The following ABL1 variants were observed in gnomAD, a reference collection of about 807,000 sequenced individuals.
The protein encoded by ABL1 is tyrosine-protein kinase ABL1.
In ABL1, 11 loss-of-function variants were observed where a neutral mutation model predicts 94.7. The observed-to-expected ratio is 0.12, with a 90% confidence interval of 0.07 to 0.19. ABL1 has a LOEUF of 0.19. ABL1 is among the 10% of genes least tolerant of loss of function. The pLI is 1.00. For synonymous variants in ABL1, 656 were observed against 622.4 expected (o/e 1.05, Z -0.80); for missense variants, 1,082 against 1,489.4 (o/e 0.73, Z 4.50).
intron 1 of ABL1, among the ~76,000 whole-genome samples, chr9:130,836,468 A>G (rs1304046648): frequency 1.3e-5 from 2 of 152,212 alleles, no homozygotes; most frequent in South Asian, 4.1e-4. Context: ...CAGAAAGGCT[A>G]TCTGTGCTTC....
At chr9:130,847,734 A>G (rs1479788601) in intron 1 of ABL1, among the ~76,000 whole-genome samples, 1 of 152,202 alleles carries the variant, frequency 6.6e-6, no homozygotes, top group Non-Finnish European at 1.5e-5. Flanking sequence ...ACTGGAGAGG[A>G]AAGTCGAGAG....
chr9:130,738,478 A>G (rs1831773608), intron 1 of ABL1, among the ~76,000 whole-genome samples: 2 of 152,218 alleles, frequency 1.3e-5, no homozygotes, highest in Non-Finnish European at 2.9e-5. Context: ...GTTTGTGTGC[A>G]TGAAGAAGAA....
rs567943403 is a variant in ABL1 at position 130,862,703 on chromosome 9, C to T, written c.550-60C>T. The T allele has an allele frequency of 2.4e-5, 38 of 1,572,768 alleles. No individual in the cohort carries two copies. Among genetic ancestry groups the T allele is most frequent in the Admixed American group, 1.6e-4 (9 of 56,222 alleles). ...ATTAAGGCTCAGCCAAACTGGCTCA[C>T]GTGAGCTCTTTGAGCTTGCCTGTCT... is the stretch of plus-strand genomic sequence containing the variant. On this transcript the variant is annotated intron_variant, in intron 3 of 10. Transcript: ENST00000318560. The surrounding 1 kb of genome is among the most constrained non-coding windows in gnomAD (Gnocchi z 5.5).
chr9:130,816,741 G>A (rs1830291319), intron 1 of ABL1, among the ~76,000 whole-genome samples: 1 of 152,082 alleles, frequency 6.6e-6, no homozygotes, highest in African/African-American at 2.4e-5. Context: ...TTGCTCTATC[G>A]CCCAGGCTGG....
chr9:130,821,596 A>G (rs1830363678), intron 1 of ABL1, among the ~76,000 whole-genome samples: 1 of 151,406 alleles, frequency 6.6e-6, no homozygotes, highest in African/African-American at 2.4e-5. Flanking sequence ...ATATCCATGT[A>G]TAAGTCTTTG....
intron 10 of ABL1, among the ~76,000 whole-genome samples, chr9:130,882,342 C>T (rs1213348758): frequency 6.6e-6 from 1 of 152,158 alleles, no homozygotes; most frequent in African/African-American, 2.4e-5. Flanking sequence ...TCCTGGCCTC[C>T]TTCCACTAGA....
At chr9:130,840,245 A>G (rs1291965808) in intron 1 of ABL1, among the ~76,000 whole-genome samples, 1 of 152,230 alleles carries the variant, frequency 6.6e-6, no homozygotes, top group Non-Finnish European at 1.5e-5. Context: ...GATGCGTATA[A>G]TTAATACTTC....
Position 130,872,368 on chromosome 9 carries a change from A to G in ABL1, c.907+155A>G, listed in dbSNP as rs1448980286. 1.3e-5 allele frequency among the ~76,000 whole-genome samples: 2 copies of G among 152,238 alleles called. No homozygotes were observed. The highest frequency in any genetic ancestry group is 2.9e-5 in the Non-Finnish European group (2 of 68,030). ...CAGCCGCGGGTAAAATGAGGCCTGT[A>G]TGGGATGGGTGTGTGCGTGTGTGCA... On this transcript the variant is annotated intron_variant, in intron 5 of 10. Coordinates refer to ENST00000318560, the MANE Select transcript of ABL1 (RefSeq NM_005157.6). This position sits in a 1 kb window ranked among gnomAD's most constrained non-coding sequence, Gnocchi z 5.0.
intron 1 of ABL1, among the ~76,000 whole-genome samples, chr9:130,800,806 A>T (rs1232087292): frequency 6.6e-6 from 1 of 152,182 alleles, no homozygotes; most frequent in Non-Finnish European, 1.5e-5. Context: ...ATAACATTAG[A>T]TTGCTTCCAA....
chr9:130,885,074 G>C lies in ABL1; in HGVS notation c.2784G>C (p.Leu928=). 6.2e-7 allele frequency: 1 copy of C among 1,610,050 alleles called. No individual in the cohort carries two copies. Residue 928 remains leucine, a synonymous_variant, in exon 11 of 11, where the codon CTG becomes CTC. Transcript: ENST00000318560. ...PSQEAAGEAV[L]GAKTKATSLV... is the part of the protein sequence containing the mutation. ...AGGAGGCGGCCGGGGAGGCAGTCCTGGGCGCAAAGACAAAAGCCACGAGTC... is the reference window on the plus strand; with the variant it reads ...AGGAGGCGGCCGGGGAGGCAGTCCTCGGCGCAAAGACAAAAGCCACGAGTC...
rs924873181 is a variant in ABL1 at position 130,862,183 on chromosome 9, A to G, written c.550-580A>G. 9.9e-5 allele frequency among the ~76,000 whole-genome samples: 15 copies of G among 152,248 alleles called. No homozygotes were observed. Among genetic ancestry groups the G allele is most frequent in the Non-Finnish European group, 1.6e-4 (11 of 68,046 alleles). On this transcript the variant is annotated intron_variant, in intron 3 of 10. Coordinates refer to ENST00000318560, the MANE Select transcript of ABL1 (RefSeq NM_005157.6). This position sits in a 1 kb window ranked among gnomAD's most constrained non-coding sequence, Gnocchi z 5.5. Reference sequence around the variant, plus strand: ...TACCAGCAACTACCCACCAAGTTCTACCATGTGTTAATTTAATCAACAGTT... The same window carrying G: ...TACCAGCAACTACCCACCAAGTTCTGCCATGTGTTAATTTAATCAACAGTT...
intron 1 of ABL1, among the ~76,000 whole-genome samples, chr9:130,765,153 C>T (rs1832165895): frequency 6.6e-6 from 1 of 152,154 alleles, no homozygotes; most frequent in Admixed American, 6.6e-5. Context: ...CCTGAAATTA[C>T]ATGCAAACAT....
intron 1 of ABL1, among the ~76,000 whole-genome samples, chr9:130,753,417 CTTTTCTTTTTTTTTTTTTT>C (rs1831993827): frequency 8.3e-6 from 1 of 120,976 alleles, no homozygotes; most frequent in Non-Finnish European, 1.8e-5. Context: ...CTTTTTTTTT[CTTTTCTTTTTTTTTTTTTT>C]TTTTTTTGAG....
Position 130,886,704 on chromosome 9 carries a change from C to T in ABL1, c.*1021C>T, listed in dbSNP as rs1380613147. ...TCCTCTAAGACAAAGTAGATTCTTACAAGGCCCTTTCCTTTGGAACAAGAC... is the reference window on the plus strand; with the variant it reads ...TCCTCTAAGACAAAGTAGATTCTTATAAGGCCCTTTCCTTTGGAACAAGAC... On this transcript the variant is annotated 3_prime_UTR_variant, in exon 11 of 11. Transcript: ENST00000318560. 8.6e-6 allele frequency: 2 copies of T among 233,578 alleles called. No individual in the cohort carries two copies. Among genetic ancestry groups the T allele is most frequent in the Non-Finnish European group, 1.7e-5 (2 of 118,050 alleles). 14.5% of individuals were successfully genotyped at this position (233,578 alleles called of 1,614,324 possible). A position where few individuals can be genotyped will look rare whatever the true frequency, so the allele number is the denominator to read the frequency against.
chr9:130,760,709 C>T (rs1364061945), intron 1 of ABL1, among the ~76,000 whole-genome samples: 1 of 151,506 alleles, frequency 6.6e-6, no homozygotes, highest in Non-Finnish European at 1.5e-5. Flanking sequence ...TGTCGCCAGG[C>T]TGGAGTGCAG....
chr9:130,820,640 T>G (rs965943807), intron 1 of ABL1, among the ~76,000 whole-genome samples: 1 of 152,206 alleles, frequency 6.6e-6, no homozygotes, highest in Non-Finnish European at 1.5e-5. Flanking sequence ...ATTAGAAGCA[T>G]CAGTAAATAA....
chr9:130,876,798 A>G lies in ABL1; in HGVS notation c.1271-1617A>G, dbSNP rs572668909. Among the ~76,000 whole-genome samples the G allele has an allele frequency of 1.9e-3, 230 of 120,314 alleles. 25 individuals carry two copies. Among genetic ancestry groups the G allele is most frequent in the African/African-American group, 7.4e-3 (202 of 27,334 alleles). 78.9% of individuals were successfully genotyped at this position (120,314 alleles called of 152,430 possible). A position where few individuals can be genotyped will look rare whatever the true frequency, so the allele number is the denominator to read the frequency against. On this transcript the variant is annotated intron_variant, in intron 7 of 10. Transcript: ENST00000318560. ...GTCGCCCAGGCTGGAGTGCAGTGGCATGATCTCAGCTCACTGCAAGCTCCG... is the reference window on the plus strand; with the variant it reads ...GTCGCCCAGGCTGGAGTGCAGTGGCGTGATCTCAGCTCACTGCAAGCTCCG...
chr9:130,800,721 T>G (rs1830043204), intron 1 of ABL1, among the ~76,000 whole-genome samples: 1 of 152,194 alleles, frequency 6.6e-6, no homozygotes, highest in Admixed American at 6.5e-5. Context: ...TTGTATGTAT[T>G]TACATTTCCT....
At position 130,877,694 on chromosome 9, in the gene ABL1, G is replaced by A. The variant is rs1054765452; in HGVS notation, c.1271-721G>A. On this transcript the variant is annotated intron_variant, in intron 7 of 10. Transcript: ENST00000318560. Reference sequence around the variant, plus strand: ...CTTGCTCTGTCGCCCAGGCTGGCGTGCAGTGGAGCAATATCAGCTCACTAC... The same window carrying A: ...CTTGCTCTGTCGCCCAGGCTGGCGTACAGTGGAGCAATATCAGCTCACTAC... 8.2e-5 allele frequency among the ~76,000 whole-genome samples: 12 copies of A among 146,152 alleles called. 1 individual carries two copies. The highest frequency in any genetic ancestry group is 2.6e-4 in the African/African-American group (10 of 37,804).
Sources: gnomAD v4.1 joint callset for allele counts (sites outside exome capture counted in the v4.1 genomes callset) on GRCh38, gnomAD v4.1.1 for gene constraint, Gnocchi (gnomAD v3.1) non-coding constraint, MANE v1.5 for transcripts, NCBI Gene and HGNC (gene_info 2026-07-23, HGNC 2026-07-21) for gene names.